TTLL6: variants seen among roughly 807,000 people sequenced by gnomAD.
The protein encoded by TTLL6 is tubulin tyrosine ligase like 6.
In TTLL6, 75 loss-of-function variants were observed where a neutral mutation model predicts 96.4. That is an observed-to-expected ratio of 0.78 (90% CI 0.65 to 0.94). TTLL6 has a LOEUF of 0.94. TTLL6 is among the 40% of genes least tolerant of loss of function. The probability of loss-of-function intolerance (pLI) is 0.00; values close to 1 mark genes in which losing one functional copy is unlikely to be tolerated. For synonymous variants in TTLL6, 411 were observed against 419.4 expected (o/e 0.98, Z 0.24); for missense variants, 1,030 against 1,093.0 (o/e 0.94, Z 0.81).
At chr17:48,784,150 G>A (rs371460521) in intron 13 of TTLL6, among the ~76,000 whole-genome samples, 42 of 152,156 alleles carry the variant, frequency 2.8e-4, no homozygotes, top group East Asian at 9.6e-4. Context: ...AAGGCCAGGC[G>A]TGGTGGCTCA....
At chr17:48,786,389 C>T (rs2143328255) in intron 11 of TTLL6, 54 bp from the exon 12 acceptor site, 1 of 1,606,424 alleles carries the variant, frequency 6.2e-7, no homozygotes, top group East Asian at 2.2e-5. Flanking sequence ...GCTGCGCAGG[C>T]AGGCATTCTC....
chr17:48,794,144 G>C (rs1007884880), intron 8 of TTLL6: 59 of 1,609,810 alleles, frequency 3.7e-5, no homozygotes, highest in Admixed American at 5.0e-5. Flanking sequence ...GAGATGAACA[G>C]AGGAAGAGGA....
At chr17:48,781,935 A>G (rs1469624884) in intron 13 of TTLL6, among the ~76,000 whole-genome samples, 2 of 152,280 alleles carry the variant, frequency 1.3e-5, no homozygotes, top group Middle Eastern at 3.4e-3. Context: ...CCAGACATCA[A>G]ACTTGCCAGC....
chr17:48,811,434 T>G (rs2039590756), intron 1 of TTLL6, among the ~76,000 whole-genome samples: 1 of 152,080 alleles, frequency 6.6e-6, no homozygotes, highest in South Asian at 2.1e-4. Flanking sequence ...TCTTGCTATG[T>G]TGCCCAGGCT....
At chr17:48,801,410 A>T (rs781750454) in intron 4 of TTLL6, 25 bp from the exon 5 acceptor site, 5 of 1,551,590 alleles carry the variant, frequency 3.2e-6, no homozygotes, top group Non-Finnish European at 4.4e-6. Context: ...GGAATTCATG[A>T]GCAATCGAGG....
chr17:48,768,877 T>TA, intron 15 of TTLL6, 112 bp downstream of exon 15: 1 of 1,148,426 alleles, frequency 8.7e-7, no homozygotes, highest in South Asian at 1.4e-5. Flanking sequence ...ATTGTCTACT[T>TA]ACCTGTATGT....
At chr17:48,786,900 C>T (rs1261810758) in intron 11 of TTLL6, among the ~76,000 whole-genome samples, 1 of 139,806 alleles carries the variant, frequency 7.2e-6, no homozygotes, top group Non-Finnish European at 1.5e-5. Context: ...GTGGCACAAT[C>T]TCAGCTCACT....
intron 11 of TTLL6, among the ~76,000 whole-genome samples, chr17:48,787,333 G>T (rs927859744): frequency 6.6e-6 from 1 of 152,024 alleles, no homozygotes; most frequent in Admixed American, 6.6e-5. Context: ...CTTCACATAG[G>T]GAATCTTCCA....
At chr17:48,798,905 T>C (rs374397108) in intron 6 of TTLL6, among the ~76,000 whole-genome samples, 3 of 149,390 alleles carry the variant, frequency 2.0e-5, no homozygotes, top group Non-Finnish European at 3.0e-5. Flanking sequence ...TCTTGGCTCA[T>C]TGCAACCTCC....
intron 1 of TTLL6, among the ~76,000 whole-genome samples, chr17:48,807,673 G>A (rs1025323100): frequency 2.0e-5 from 3 of 151,762 alleles, no homozygotes; most frequent in East Asian, 1.9e-4. Flanking sequence ...CACCACACCC[G>A]GCTAACTTTT....
At chr17:48,767,875 C>T (rs2038647271) in intron 15 of TTLL6, among the ~76,000 whole-genome samples, 1 of 152,158 alleles carries the variant, frequency 6.6e-6, no homozygotes, top group South Asian at 2.1e-4. Context: ...GTCCCCTCAG[C>T]ACACTCCATT....
intron 3 of TTLL6, among the ~76,000 whole-genome samples, chr17:48,802,143 A>AAAGG (rs2039437478): frequency 3.3e-5 from 4 of 122,662 alleles, no homozygotes; most frequent in African/African-American, 1.3e-4. Context: ...AGAAAGAAAG[A>AAAGG]AAGAAAGAAA....
chr17:48,787,774 A>G (rs759682490), intron 11 of TTLL6, 37 bp downstream of exon 11: 1 of 1,587,044 alleles, frequency 6.3e-7, no homozygotes, highest in Non-Finnish European at 8.6e-7. Flanking sequence ...CAATCCCCAG[A>G]ACCCCTCCAC....
intron 12 of TTLL6, 104 bp from the exon 13 acceptor site, chr17:48,785,305 G>A: frequency 6.6e-7 from 1 of 1,511,868 alleles, no homozygotes; most frequent in Non-Finnish European, 8.9e-7. Flanking sequence ...TGAGGAGAAG[G>A]AAAGCAGTCG....
intron 13 of TTLL6, among the ~76,000 whole-genome samples, chr17:48,774,091 C>CAAAAAAAAAAAAAA (rs1555563596): frequency 9.4e-6 from 1 of 106,450 alleles, no homozygotes; most frequent in Non-Finnish European, 1.8e-5. Flanking sequence ...TCAAAAAAAA[C>CAAAAAAAAAAAAAA]AAAACAAAAA....
chr17:48,781,857 G>A (rs970354802), intron 13 of TTLL6, among the ~76,000 whole-genome samples: 1 of 152,126 alleles, frequency 6.6e-6, no homozygotes, highest in Non-Finnish European at 1.5e-5. Flanking sequence ...GCTTCAGAGA[G>A]TTAACTAGCT....
chr17:48,796,169 G>C, intron 7 of TTLL6, 23 bp from the exon 8 acceptor site: 1 of 1,543,230 alleles, frequency 6.5e-7, no homozygotes, highest in Non-Finnish European at 8.8e-7. Flanking sequence ...ACACACATCT[G>C]TCGGGTCAGC....
At chr17:48,788,786 C>G (rs879244678) in intron 10 of TTLL6, among the ~76,000 whole-genome samples, 1 of 152,152 alleles carries the variant, frequency 6.6e-6, no homozygotes, top group African/African-American at 2.4e-5. Context: ...TCCACCCTAC[C>G]TACCTACCCG....
chr17:48,815,015 T>C (rs2039649076), intron 1 of TTLL6, among the ~76,000 whole-genome samples: 1 of 152,114 alleles, frequency 6.6e-6, no homozygotes, highest in East Asian at 1.9e-4. Context: ...CAACCTCAGG[T>C]TATCAGCCCA....
Sources: allele counts gnomAD v4.1 joint callset (sites outside exome capture counted in the v4.1 genomes callset), GRCh38; gene constraint gnomAD v4.1.1; transcripts MANE v1.5; gene names NCBI Gene and HGNC (gene_info 2026-07-23, HGNC 2026-07-21).